SGCZ: variants seen among roughly 807,000 people sequenced by gnomAD.
SGCZ encodes the protein sarcoglycan zeta, also known as zeta-sarcoglycan.
A neutral mutation model predicts 41.3 loss-of-function variants in SGCZ; 40 were observed. The observed-to-expected ratio is 0.97, with a 90% CI of 0.75 to 1.26. The LOEUF is 1.26. Ranked by LOEUF, SGCZ falls within the 50% of genes most tolerant of loss-of-function variation. The pLI, the probability that SGCZ is intolerant of heterozygous loss-of-function variation, is 0.00. For synonymous variants in SGCZ, 206 were observed against 137.5 expected, an observed-to-expected ratio of 1.50 and a Z score of -3.49; for missense variants, 552 against 369.8, an observed-to-expected ratio of 1.49 and a Z score of -4.04.
intron 4 of SGCZ, among the ~76,000 whole-genome samples, chr8:14,229,184 A>G (rs1222115811): frequency 1.3e-5 from 2 of 152,148 alleles, no homozygotes; most frequent in Admixed American, 6.6e-5. Flanking sequence ...AATTTAATTA[A>G]ATATTTCAGC....
chr8:14,409,585 C>T (rs1426151217), intron 2 of SGCZ, among the ~76,000 whole-genome samples: 2 of 151,988 alleles, frequency 1.3e-5, no homozygotes, highest in Non-Finnish European at 2.9e-5. Flanking sequence ...TACAAAGATG[C>T]AAGATCCAAA....
chr8:14,120,700 C>G (rs1027063878), intron 5 of SGCZ, among the ~76,000 whole-genome samples: 1 of 151,870 alleles, frequency 6.6e-6, no homozygotes, highest in Admixed American at 6.6e-5. Flanking sequence ...ACAAATTTGA[C>G]TTGAGAAAAA....
At chr8:14,740,773 T>C (rs1449151227) in intron 1 of SGCZ, among the ~76,000 whole-genome samples, 1 of 152,038 alleles carries the variant, frequency 6.6e-6, no homozygotes, top group Non-Finnish European at 1.5e-5. Flanking sequence ...CTGGAGTTGA[T>C]CTGAGTCTTT....
At chr8:14,105,530 A>T (rs1268158859) in intron 6 of SGCZ, among the ~76,000 whole-genome samples, 1 of 152,092 alleles carries the variant, frequency 6.6e-6, no homozygotes, top group Non-Finnish European at 1.5e-5. Context: ...AAGGCTTGTA[A>T]AGTTTTTCTC....
intron 6 of SGCZ, among the ~76,000 whole-genome samples, chr8:14,103,143 G>A (rs1208523025): frequency 1.3e-5 from 2 of 151,948 alleles, no homozygotes; most frequent in African/African-American, 4.8e-5. Context: ...AAAATCAATA[G>A]GAGGGTAATA....
At chr8:14,605,421 T>C (rs773062241) in intron 1 of SGCZ, among the ~76,000 whole-genome samples, 12 of 152,120 alleles carry the variant, frequency 7.9e-5, no homozygotes, top group Non-Finnish European at 1.2e-4. Flanking sequence ...CGAATTACAC[T>C]CTTTTAGTTA....
intron 2 of SGCZ, among the ~76,000 whole-genome samples, chr8:14,501,611 G>GTT (rs34304255): frequency 1.1e-3 from 152 of 143,672 alleles, no homozygotes; most frequent in Middle Eastern, 3.6e-3. Context: ...AGTTATCCAG[G>GTT]TTTTTTTTTT....
chr8:14,554,945 AGAAAGAGAAAGAAGG>A lies in SGCZ; in HGVS notation c.40-34_40-20del. On this transcript the variant is annotated intron_variant, in intron 1 of 7. Coordinates refer to ENST00000382080, the MANE Select transcript of SGCZ (RefSeq NM_139167.4). ...GTGTCATCTGAAAAAGAAAAAAGAA[AGAAAGAGAAAGAAGG>A]AAAAAAAAAGAAGCATTAAAAAAAA... 1 of 1,524,982 alleles carries A rather than the reference AGAAAGAGAAAGAAGG, an allele frequency of 6.6e-7. No homozygotes were observed. Among genetic ancestry groups the A allele is most frequent in the Admixed American group, 2.2e-5 (1 of 45,612 alleles). 94.5% of individuals were successfully genotyped at this position (1,524,982 alleles called of 1,614,324 possible).
At chr8:14,746,967 A>G (rs1799354825) in intron 1 of SGCZ, among the ~76,000 whole-genome samples, 1 of 152,354 alleles carries the variant, frequency 6.6e-6, no homozygotes, top group Middle Eastern at 3.4e-3. Context: ...TGAAGCATTC[A>G]TACCTGATAC....
chr8:15,183,534 T>C (rs1800239272), intron 1 of SGCZ, among the ~76,000 whole-genome samples: 1 of 152,232 alleles, frequency 6.6e-6, no homozygotes, highest in Non-Finnish European at 1.5e-5. Flanking sequence ...TGATCTTATA[T>C]TGTCTCTGCA....
In SGCZ at chr8:14,992,757, C is replaced by T. The variant is rs151068540; in HGVS notation, c.39+244828G>A. Among the ~76,000 whole-genome samples, 635 of 139,322 alleles carry T rather than the reference C, an allele frequency of 4.6e-3. 6 individuals are homozygous for T. Among genetic ancestry groups the T allele is most frequent in the African/African-American group, 0.016 (596 of 37,048 alleles). 91.4% of individuals were successfully genotyped at this position (139,322 alleles called of 152,430 possible). ...AACCAGTGTTCCCCCTTGATATTTA[C>T]CCCTCCCCCATCCTCCTCATTCAAT... On this transcript the variant is annotated intron_variant, in intron 1 of 7. Coordinates refer to ENST00000382080, the MANE Select transcript of SGCZ (RefSeq NM_139167.4).
At chr8:14,326,949 G>A (rs1802139954) in intron 2 of SGCZ, among the ~76,000 whole-genome samples, 1 of 152,060 alleles carries the variant, frequency 6.6e-6, no homozygotes, top group Non-Finnish European at 1.5e-5. Context: ...TTGCTAGACA[G>A]GAATGACAGA....
chr8:15,078,131 G>A (rs1170923343), intron 1 of SGCZ, among the ~76,000 whole-genome samples: 1 of 124,418 alleles, frequency 8.0e-6, no homozygotes, highest in African/African-American at 3.0e-5. Flanking sequence ...GTGACAGCCT[G>A]TTGGCAGGAA....
intron 3 of SGCZ, among the ~76,000 whole-genome samples, chr8:14,320,219 AAATAT>A (rs1418815581): frequency 6.6e-6 from 1 of 151,686 alleles, no homozygotes; most frequent in Admixed American, 6.6e-5. Flanking sequence ...TTAAAAATGT[AAATAT>A]AATATGATAA....
At chr8:14,233,400 AT>A (rs1806641923) in intron 4 of SGCZ, among the ~76,000 whole-genome samples, 1 of 151,570 alleles carries the variant, frequency 6.6e-6, no homozygotes, top group Non-Finnish European at 1.5e-5. Flanking sequence ...TAAAAATAGT[AT>A]GTTAAATATC....
intron 1 of SGCZ, among the ~76,000 whole-genome samples, chr8:14,825,397 C>T (rs920178705): frequency 3.9e-5 from 6 of 152,084 alleles, no homozygotes; most frequent in African/African-American, 1.4e-4. Context: ...ACGGAACTTA[C>T]TGAAGAACTC....
chr8:14,580,553 T>C (rs1049496295), intron 1 of SGCZ, among the ~76,000 whole-genome samples: 1 of 152,104 alleles, frequency 6.6e-6, no homozygotes, highest in African/African-American at 2.4e-5. Context: ...AACAAATAAA[T>C]TGTAATAGAA....
At chr8:15,048,482 C>T (rs28529162) in intron 1 of SGCZ, among the ~76,000 whole-genome samples, 59,231 of 151,776 alleles carry the variant, frequency 0.39, 11,621 homozygotes, top group South Asian at 0.51. Flanking sequence ...ATAGAGGATA[C>T]GGAACATCCC....
intron 1 of SGCZ, among the ~76,000 whole-genome samples, chr8:14,577,381 T>C (rs1386641127): frequency 6.8e-6 from 1 of 146,838 alleles, no homozygotes; most frequent in African/African-American, 2.6e-5. Context: ...AAAAGAAATA[T>C]ATCTTTTTTT....
Sources: allele counts gnomAD v4.1 joint callset (sites outside exome capture counted in the v4.1 genomes callset), GRCh38; gene constraint gnomAD v4.1.1; transcripts MANE v1.5; gene names NCBI Gene and HGNC (gene_info 2026-07-23, HGNC 2026-07-21).